Variants in EPHA5 observed in about 807,000 individuals in gnomAD.
EPHA5 encodes the protein EPH receptor A5, also known as ephrin type-A receptor 5.
In EPHA5, 60 loss-of-function variants were observed where a neutral mutation model predicts 105.0. That is an observed-to-expected ratio of 0.57 (90% CI 0.46 to 0.71). The LOEUF is 0.71. EPHA5 is among the 30% of genes least tolerant of loss of function. EPHA5 has a pLI of 0.00. For synonymous variants in EPHA5, 513 were observed against 449.1 expected (o/e 1.14, Z -1.80); for missense variants, 1,218 against 1,274.7 (o/e 0.96, Z 0.68).
chr4:65,401,701 A>T (rs1292181155), intron 8 of EPHA5, among the ~76,000 whole-genome samples: 1 of 152,124 alleles, frequency 6.6e-6, no homozygotes, highest in Admixed American at 6.6e-5. Context: ...AATTGCTAAG[A>T]TGTTGCTGTT....
At position 65,659,319 on chromosome 4, in the gene EPHA5, GAAAAAAAAAAAAAAAAAAAAAAAA is replaced by G. The variant is rs5858980; in HGVS notation, c.181+10219_181+10242del. The stretch of plus-strand genomic sequence containing the variant: ...GGATTGTTTATATACTAGAGTAACA[GAAAAAAAAAAAAAAAAAAAAAAAA>G]AAAAAAAAAAAAAAACAGGAAAGGT... On this transcript the variant is annotated intron_variant, in intron 1 of 16. Coordinates refer to ENST00000613740, the MANE Select transcript of EPHA5 (RefSeq NM_001281766.3). Among the ~76,000 whole-genome samples, 8 of 71,612 alleles carry G rather than the reference GAAAAAAAAAAAAAAAAAAAAAAAA, an allele frequency of 1.1e-4. No homozygotes were observed. In the South Asian group the frequency reaches 2.4e-3, roughly 21 times the overall value. 47.0% of individuals were successfully genotyped at this position (71,612 alleles called of 152,430 possible).
At chr4:65,668,292 C>T (rs1750129412) in intron 1 of EPHA5, among the ~76,000 whole-genome samples, 1 of 152,158 alleles carries the variant, frequency 6.6e-6, no homozygotes, top group Non-Finnish European at 1.5e-5. Flanking sequence ...CGAGGACACA[C>T]ACGACTCCAC....
intron 2 of EPHA5, among the ~76,000 whole-genome samples, chr4:65,608,630 T>C (rs570596171): frequency 3.6e-4 from 55 of 152,338 alleles, no homozygotes; most frequent in African/African-American, 1.2e-3. Context: ...AAGTGCAAAC[T>C]TCATCTTGGG....
At chr4:65,555,555 TA>T (rs34149071) in intron 3 of EPHA5, among the ~76,000 whole-genome samples, 89 of 143,994 alleles carry the variant, frequency 6.2e-4, no homozygotes, top group African/African-American at 1.0e-3. Flanking sequence ...AAAATTTTTC[TA>T]AAAAAAAAAA....
rs1164240905 is a variant in EPHA5, at chr4:65,420,649, T to G, written c.1403-84A>C. ...TTATGTTTATTACGTATATTGGCAT[T>G]TTGAGAACGTAGCAATATAAAAAAA... On this transcript the variant is annotated intron_variant, in intron 5 of 16. Coordinates refer to ENST00000613740, the MANE Select transcript of EPHA5 (RefSeq NM_001281766.3). The G allele has an allele frequency of 9.5e-6, 12 of 1,268,414 alleles. No homozygotes were observed. The East Asian group carries it at 3.1e-4, about 32-fold the overall frequency. The allele number at this position is 1,268,414 out of a possible 1,614,324, so 78.6% of individuals were successfully genotyped here. A position where few individuals can be genotyped will look rare whatever the true frequency, so the allele number is the denominator to read the frequency against.
chr4:65,495,630 A>G lies in EPHA5; in HGVS notation c.911-87T>C, dbSNP rs1287900295. ...ATAATGTCATTATTTTGACTTGTAT[A>G]TGCAGATTACAGATAACACAATCTT... On this transcript the variant is annotated intron_variant, in intron 3 of 16. Coordinates refer to ENST00000613740, the MANE Select transcript of EPHA5 (RefSeq NM_001281766.3). 4.4e-6 allele frequency: 5 copies of G among 1,133,508 alleles called. No individual in the cohort carries two copies. In the South Asian group the frequency reaches 5.0e-5, roughly 11 times the overall value. 70.2% of individuals were successfully genotyped at this position (1,133,508 alleles called of 1,614,324 possible).
At chr4:65,458,660 C>T (rs1374219209) in intron 5 of EPHA5, among the ~76,000 whole-genome samples, 1 of 152,070 alleles carries the variant, frequency 6.6e-6, no homozygotes, top group East Asian at 1.9e-4. Context: ...AAACTGTACA[C>T]TCATTGAAGA....
At chr4:65,480,937 T>C (rs888860677) in intron 5 of EPHA5, among the ~76,000 whole-genome samples, 1 of 152,076 alleles carries the variant, frequency 6.6e-6, no homozygotes, top group Non-Finnish European at 1.5e-5. Flanking sequence ...GAAATGGGAA[T>C]ATAGGATCAG....
chr4:65,324,113 G>A lies in EPHA5; in HGVS notation c.*1C>T, dbSNP rs1019772547. ...CTTGAAGAAGCGACATTTACATGAA[G>A]TTACAATGGCACCATTCCGTTTACC... On this transcript the variant is annotated 3_prime_UTR_variant, in exon 17 of 17. Transcript: ENST00000613740. 1.9e-6 allele frequency: 3 copies of A among 1,599,940 alleles called. No homozygotes were observed. In the African/African-American group the frequency reaches 4.0e-5, roughly 22 times the overall value.
At chr4:65,501,315 C>T (rs942263866) in intron 3 of EPHA5, among the ~76,000 whole-genome samples, 3 of 151,420 alleles carry the variant, frequency 2.0e-5, no homozygotes, top group Non-Finnish European at 4.4e-5. Flanking sequence ...AGAAGTCAAA[C>T]TACTTCTCTT....
rs566138594 is a variant in EPHA5, at chr4:65,511,032, G to C, written c.911-15489C>G. On this transcript the variant is annotated intron_variant, in intron 3 of 16. Coordinates refer to ENST00000613740, the MANE Select transcript of EPHA5 (RefSeq NM_001281766.3). ...ACCTGTATCACTGAAGAATGGCCAGGTGAGGACACAGTGAGAAAGCAGCTG... is the reference window on the plus strand; with the variant it reads ...ACCTGTATCACTGAAGAATGGCCAGCTGAGGACACAGTGAGAAAGCAGCTG... 3.9e-4 allele frequency among the ~76,000 whole-genome samples: 59 copies of C among 152,228 alleles called. 1 individual carries two copies. The highest frequency in any genetic ancestry group is 7.9e-4 in the Admixed American group (12 of 15,268).
At chr4:65,541,448 A>C (rs935448173) in intron 3 of EPHA5, among the ~76,000 whole-genome samples, 11 of 152,110 alleles carry the variant, frequency 7.2e-5, no homozygotes, top group African/African-American at 2.6e-4. Context: ...AGGGGCTGCA[A>C]TCCTAGTCTC....
At chr4:65,382,973 A>G (rs76247889) in intron 8 of EPHA5, among the ~76,000 whole-genome samples, 1,561 of 150,986 alleles carry the variant, frequency 0.01, 30 homozygotes, top group African/African-American at 0.036. Flanking sequence ...AGGTGCTTAT[A>G]AATAATATGT....
At chr4:65,464,000 A>C (rs1236666412) in intron 5 of EPHA5, among the ~76,000 whole-genome samples, 2 of 151,904 alleles carry the variant, frequency 1.3e-5, no homozygotes, top group Non-Finnish European at 2.9e-5. Flanking sequence ...TTTGTCCTAC[A>C]CTAAAAAATA....
rs1750331148 is a variant in EPHA5 at position 65,670,089 on chromosome 4, G to A, written c.-347C>T. 6.6e-6 allele frequency: 2 copies of A among 302,052 alleles called. No individual in the cohort carries two copies. Among genetic ancestry groups the A allele is most frequent in the African/African-American group, 4.2e-5 (2 of 47,230 alleles). 18.7% of individuals were successfully genotyped at this position (302,052 alleles called of 1,614,324 possible). ...GATTGAGAATTTTTAAATACCACTA[G>A]GGGAAAGGTGAAGGTTCTTTGCAGC... On this transcript the variant is annotated 5_prime_UTR_variant, in exon 1 of 17. Transcript: ENST00000613740.
chr4:65,530,191 A>T (rs983667206), intron 3 of EPHA5, among the ~76,000 whole-genome samples: 1 of 152,180 alleles, frequency 6.6e-6, no homozygotes, highest in African/African-American at 2.4e-5. Context: ...GAAAAAATAT[A>T]TGGAACTACT....
chr4:65,399,157 T>A, intron 8 of EPHA5, among the ~76,000 whole-genome samples: 1 of 152,284 alleles, frequency 6.6e-6, no homozygotes, highest in Admixed American at 6.5e-5. Flanking sequence ...TTTCCAGGCA[T>A]CACCACATTC....
chr4:65,324,742 C>CTTTTTTTTTTTTT (rs368440921), intron 16 of EPHA5, among the ~76,000 whole-genome samples: 3 of 131,330 alleles, frequency 2.3e-5, no homozygotes, highest in Non-Finnish European at 3.3e-5. Flanking sequence ...CAATGTTTTA[C>CTTTTTTTTTTTTT]TTTTTTTTTT....
chr4:65,425,253 G>A (rs1724317588), intron 5 of EPHA5, among the ~76,000 whole-genome samples: 1 of 151,972 alleles, frequency 6.6e-6, no homozygotes, highest in South Asian at 2.1e-4. Context: ...TTAAACACAA[G>A]GTTTAAAAAT....
Sources: allele counts gnomAD v4.1 joint callset (sites outside exome capture counted in the v4.1 genomes callset), GRCh38; gene constraint gnomAD v4.1.1; transcripts MANE v1.5; gene names NCBI Gene and HGNC (gene_info 2026-07-23, HGNC 2026-07-21).